NXPE2: variants seen among roughly 807,000 people sequenced by gnomAD.
NXPE2 encodes the protein NXPE family member 2.
A neutral mutation model predicts 34.4 loss-of-function variants in NXPE2; 34 were observed. The observed-to-expected ratio is 0.99, with a 90% CI of 0.75 to 1.31. The LOEUF is 1.31. Ranked by LOEUF, NXPE2 falls within the 40% of genes most tolerant of loss-of-function variation. NXPE2 has a pLI of 0.00. For synonymous variants in NXPE2, 235 were observed against 231.3 expected (o/e 1.02, Z -0.15); for missense variants, 649 against 672.5 (o/e 0.97, Z 0.39).
chr11:114,539,339 C>T, the NXPE2 span, among the ~76,000 whole-genome samples: 463 of 151,898 alleles, frequency 3.0e-3, 1 homozygote, highest in African/African-American at 0.01. Context: ...TGCTAAATGA[C>T]GAGTTAATGG....
chr11:114,600,366 T>C, the NXPE2 span, among the ~76,000 whole-genome samples: 289 of 152,250 alleles, frequency 1.9e-3, no homozygotes, highest in Non-Finnish European at 2.9e-3. Context: ...AAAATAGTTA[T>C]ACATGAAATG....
At chr11:114,543,790 A>G in the NXPE2 span, among the ~76,000 whole-genome samples, 2 of 152,122 alleles carry the variant, frequency 1.3e-5, no homozygotes. Flanking sequence ...GAAAAAGTAA[A>G]GCTGTTTTTA....
the NXPE2 span, among the ~76,000 whole-genome samples, chr11:114,492,584 G>A: frequency 6.6e-6 from 1 of 151,456 alleles, no homozygotes; most frequent in African/African-American, 2.4e-5. Context: ...CATCGCCCAG[G>A]CTGGAGTGCA....
the NXPE2 span, among the ~76,000 whole-genome samples, chr11:114,521,431 C>T: frequency 6.6e-6 from 1 of 152,084 alleles, no homozygotes; most frequent in Non-Finnish European, 1.5e-5. Context: ...GATATGATTC[C>T]ATTTGTCTTT....
chr11:114,798,931 G>C, the NXPE2 span, among the ~76,000 whole-genome samples: 1 of 152,124 alleles, frequency 6.6e-6, no homozygotes, highest in Non-Finnish European at 1.5e-5. Context: ...CGTGAAAGCT[G>C]CCTCACGCGC....
At chr11:114,813,485 CT>C in the NXPE2 span, among the ~76,000 whole-genome samples, 1 of 152,234 alleles carries the variant, frequency 6.6e-6, no homozygotes, top group Non-Finnish European at 1.5e-5. Flanking sequence ...AGACTCCATA[CT>C]GTGGGCTTCC....
chr11:114,630,956 A>C, the NXPE2 span, among the ~76,000 whole-genome samples: 15 of 151,172 alleles, frequency 9.9e-5, no homozygotes, highest in African/African-American at 3.4e-4. Context: ...GAGAAATGCA[A>C]ATCAAAACCA....
intron 4 of NXPE2, among the ~76,000 whole-genome samples, chr11:114,704,598 T>C (rs1951437203): frequency 1.3e-5 from 2 of 152,188 alleles, no homozygotes; most frequent in African/African-American, 4.8e-5. Flanking sequence ...AATTTCAAAA[T>C]TAAAGTAAAG....
the NXPE2 span, among the ~76,000 whole-genome samples, chr11:114,640,182 TTA>T: frequency 2.2e-5 from 3 of 135,452 alleles, no homozygotes; most frequent in Non-Finnish European, 4.6e-5. Context: ...AATTTATATA[TTA>T]TATATAATTT....
At chr11:114,572,045 T>G in the NXPE2 span, among the ~76,000 whole-genome samples, 1 of 152,186 alleles carries the variant, frequency 6.6e-6, no homozygotes, top group Non-Finnish European at 1.5e-5. Context: ...TATTCAAGGC[T>G]GCAAGACCTG....
At chr11:114,633,763 T>C in the NXPE2 span, among the ~76,000 whole-genome samples, 4 of 152,080 alleles carry the variant, frequency 2.6e-5, no homozygotes, top group African/African-American at 9.6e-5. Flanking sequence ...TGATTTCCAA[T>C]TTCATCCATG....
At chr11:114,570,056 G>T in the NXPE2 span, among the ~76,000 whole-genome samples, 2 of 152,136 alleles carry the variant, frequency 1.3e-5, no homozygotes, top group African/African-American at 4.8e-5. Flanking sequence ...TTGTAATGCT[G>T]CATTTGTTTC....
the NXPE2 span, among the ~76,000 whole-genome samples, chr11:114,584,961 T>C: frequency 6.6e-6 from 1 of 151,994 alleles, no homozygotes. Flanking sequence ...GGGAATACTT[T>C]TGTGCAAACA....
the NXPE2 span, chr11:114,581,818 A>T: frequency 2.0e-6 from 3 of 1,490,182 alleles, no homozygotes; most frequent in Non-Finnish European, 1.9e-6. Context: ...ATTAATCTGT[A>T]GGTGGCCTCA....
chr11:114,762,153 C>T, the NXPE2 span, among the ~76,000 whole-genome samples: 1 of 152,050 alleles, frequency 6.6e-6, no homozygotes, highest in African/African-American at 2.4e-5. Flanking sequence ...AGAGGTGACT[C>T]TTGAGGAAGA....
intron 4 of NXPE2, 126 bp from the exon 5 acceptor site, chr11:114,705,655 A>T: frequency 1.8e-6 from 1 of 543,084 alleles, no homozygotes; most frequent in Non-Finnish European, 3.2e-6. Context: ...GGAAGAGAGG[A>T]AGGCAAAATA....
the NXPE2 span, among the ~76,000 whole-genome samples, chr11:114,601,247 G>A: frequency 0.15 from 23,054 of 149,604 alleles, 1,853 homozygotes; most frequent in South Asian, 0.21. Context: ...CCCTTCCCAT[G>A]CTCCCTCTTT....
rs1951311715 is a variant in NXPE2 at position 114,698,763 on chromosome 11, G to A, written c.851G>A (p.Trp284Ter). The change falls in exon 3 of 6, where the codon TGG becomes TAG. Residue 284 changes from tryptophan to a stop codon, truncating the protein, a stop_gained. Transcript: ENST00000389586. LOFTEE classifies it high-confidence loss of function. Reference sequence around the variant, plus strand: ...ATTTCCTATCTTAGCAAGGAAGAATGGAGGCTTTTCCACAGGTAAAGAGGC... The same window carrying A: ...ATTTCCTATCTTAGCAAGGAAGAATAGAGGCTTTTCCACAGGTAAAGAGGC... Reference protein sequence around the residue: ...RNISYLSKEEWRLFHRSNIGV... With the variant: ...RNISYLSKEE The A allele has an allele frequency of 6.4e-7, 1 of 1,566,000 alleles. No individual in the cohort carries two copies. The highest frequency in any genetic ancestry group is 1.4e-5 in the African/African-American group (1 of 73,602).
chr11:114,600,636 G>T, the NXPE2 span, among the ~76,000 whole-genome samples: 1 of 152,032 alleles, frequency 6.6e-6, no homozygotes, highest in African/African-American at 2.4e-5. Flanking sequence ...AAGGAGACAT[G>T]ATGACTAAAT....
Sources: gnomAD v4.1 joint callset for allele counts (sites outside exome capture counted in the v4.1 genomes callset) on GRCh38, gnomAD v4.1.1 for gene constraint, MANE v1.5 for transcripts, NCBI Gene and HGNC (gene_info 2026-07-23, HGNC 2026-07-21) for gene names.